Variants in USP28 observed in about 807,000 individuals in gnomAD.
USP28 encodes the protein ubiquitin specific peptidase 28, also known as ubiquitin carboxyl-terminal hydrolase 28.
A neutral mutation model predicts 145.0 loss-of-function variants in USP28; 113 were observed. The observed-to-expected ratio is 0.78, with a 90% CI of 0.67 to 0.91. USP28 has a LOEUF of 0.91. Ranked by LOEUF, USP28 falls within the 40% of genes least tolerant of loss-of-function variation. USP28 has a pLI of 0.00. For synonymous variants in USP28, 447 were observed against 450.9 expected, an observed-to-expected ratio of 0.99 and a Z score of 0.11; for missense variants, 1,201 against 1,289.6, an observed-to-expected ratio of 0.93 and a Z score of 1.05.
chr11:113,848,742 A>G (rs1946143453), intron 3 of USP28, among the ~76,000 whole-genome samples: 1 of 152,214 alleles, frequency 6.6e-6, no homozygotes, highest in East Asian at 1.9e-4. Flanking sequence ...CTACTCCTGT[A>G]AAACAGAAGG....
At chr11:113,869,662 T>A (rs1948627596) in intron 1 of USP28, among the ~76,000 whole-genome samples, 1 of 152,092 alleles carries the variant, frequency 6.6e-6, no homozygotes, top group Admixed American at 6.6e-5. Flanking sequence ...TGGGTTTTTG[T>A]AAATAAAAAT....
At chr11:113,835,239 C>T (rs1210127177) in intron 5 of USP28, 3 of 454,078 alleles carry the variant, frequency 6.6e-6, no homozygotes, top group Non-Finnish European at 1.3e-5. Context: ...AAAAATATCT[C>T]CTGTATGAAT....
At chr11:113,847,935 C>G (rs953676195) in intron 3 of USP28, among the ~76,000 whole-genome samples, 1 of 152,084 alleles carries the variant, frequency 6.6e-6, no homozygotes, top group Non-Finnish European at 1.5e-5. Context: ...GTTCTGGAAG[C>G]CTTATTAGAT....
intron 19 of USP28, among the ~76,000 whole-genome samples, chr11:113,805,663 T>TA (rs1328979297): frequency 3.3e-5 from 5 of 152,042 alleles, no homozygotes; most frequent in Non-Finnish European, 7.3e-5. Context: ...GACTTAAACT[T>TA]AAAGAATCTA....
At chr11:113,809,703 A>G (rs1280134278) in intron 16 of USP28, among the ~76,000 whole-genome samples, 1 of 152,226 alleles carries the variant, frequency 6.6e-6, no homozygotes, top group East Asian at 1.9e-4. Flanking sequence ...CACTCATTAA[A>G]CATCTGCTAA....
chr11:113,804,903 T>A (rs1372655338), exon 20 of USP28: 1 of 1,614,098 alleles, frequency 6.2e-7, no homozygotes, highest in African/African-American at 1.3e-5. Flanking sequence ...CTGCAAACTG[T>A]TCCAGAAGGG....
At chr11:113,841,573 C>G in intron 4 of USP28, 90 bp downstream of exon 4, 1 of 761,454 alleles carries the variant, frequency 1.3e-6, no homozygotes, top group Non-Finnish European at 2.1e-6. Flanking sequence ...AGGTGCTTAA[C>G]AGAATTATTC....
intron 13 of USP28, among the ~76,000 whole-genome samples, chr11:113,816,916 T>C (rs12421567): frequency 0.036 from 5,419 of 152,298 alleles, 447 homozygotes; most frequent in East Asian, 0.31. Flanking sequence ...TTTGGTATGT[T>C]CTATCCAAAT....
At chr11:113,815,458 C>T in intron 13 of USP28, 76 bp from the exon 14 acceptor site, 3 of 1,365,864 alleles carry the variant, frequency 2.2e-6, no homozygotes, top group Non-Finnish European at 3.0e-6. Flanking sequence ...CTTTGGAAAG[C>T]AAGATGCTAT....
Position 113,841,227 on chromosome 11 carries a change from G to A in USP28, c.374+436C>T, listed in dbSNP as rs536618266. Among the ~76,000 whole-genome samples, 4 of 152,270 alleles carry A rather than the reference G, an allele frequency of 2.6e-5. No individual in the cohort carries two copies. In the East Asian group the frequency reaches 7.7e-4, roughly 29 times the overall value. On this transcript the variant is annotated intron_variant, in intron 4 of 24. Transcript: ENST00000003302. ...AAACTGATAGGCCACCACTGGAACT[G>A]GATGTTGGTGAACAGTACCAAACAA...
intron 5 of USP28, chr11:113,835,451 G>T: frequency 2.4e-6 from 1 of 422,410 alleles, no homozygotes; most frequent in Non-Finnish European, 4.7e-6. Flanking sequence ...ACTGACTAGA[G>T]CCCACGTGCA....
intron 16 of USP28, among the ~76,000 whole-genome samples, chr11:113,811,025 A>T (rs979729559): frequency 2.0e-5 from 3 of 152,188 alleles, no homozygotes; most frequent in Non-Finnish European, 2.9e-5. Flanking sequence ...TACAGGCAAA[A>T]GCTTTCTACT....
chr11:113,842,442 G>A (rs1945306090), intron 3 of USP28, among the ~76,000 whole-genome samples: 2 of 151,812 alleles, frequency 1.3e-5, no homozygotes, highest in Admixed American at 6.6e-5. Context: ...AAAATTTGCC[G>A]GGCGTGGTGG....
chr11:113,871,098 T>A (rs1405745570), intron 1 of USP28, among the ~76,000 whole-genome samples: 1 of 152,336 alleles, frequency 6.6e-6, no homozygotes, highest in South Asian at 2.1e-4. Context: ...GTATGCTGAT[T>A]GGCAGTGTAT....
At chr11:113,827,492 A>G in intron 10 of USP28, 132 bp from the exon 11 acceptor site, 3 of 884,776 alleles carry the variant, frequency 3.4e-6, no homozygotes, top group Non-Finnish European at 4.8e-6. Context: ...AACTCATACT[A>G]GAACTTTTTT....
At chr11:113,826,282 CAA>C (rs59796496) in intron 11 of USP28, among the ~76,000 whole-genome samples, 1 of 99,948 alleles carries the variant, frequency 1.0e-5, no homozygotes, top group Non-Finnish European at 1.8e-5. Flanking sequence ...GACTCCTTCT[CAA>C]AAAAAAAAAA....
intron 12 of USP28, chr11:113,822,577 T>C (rs1350473668): frequency 6.7e-6 from 1 of 150,128 alleles, no homozygotes; most frequent in Non-Finnish European, 1.5e-5. Context: ...GCCTCCCATA[T>C]AGCTGGGATT....
chr11:113,845,286 A>T lies in USP28; in HGVS notation c.269-3518T>A, dbSNP rs553648686. On this transcript the variant is annotated intron_variant, in intron 3 of 24. Transcript: ENST00000003302. ...AAACACCGTCTCTACTAAAAATACA[A>T]AACTTAGCTAGGCGTGGTGGGACAT... 1.1e-4 allele frequency among the ~76,000 whole-genome samples: 17 copies of T among 151,964 alleles called. No individual in the cohort carries two copies. In the East Asian group the frequency reaches 3.3e-3, roughly 29 times the overall value.
intron 1 of USP28, among the ~76,000 whole-genome samples, chr11:113,868,319 T>C (rs775070737): frequency 6.6e-6 from 1 of 152,240 alleles, no homozygotes; most frequent in Non-Finnish European, 1.5e-5. Flanking sequence ...TAGTTTTGGT[T>C]TTATCACTTA....
Sources: allele counts gnomAD v4.1 joint callset (sites outside exome capture counted in the v4.1 genomes callset), GRCh38; gene constraint gnomAD v4.1.1; transcripts MANE v1.5; gene names NCBI Gene and HGNC (gene_info 2026-07-23, HGNC 2026-07-21).